TMEM123: variants seen among roughly 807,000 people sequenced by gnomAD.
TMEM123 encodes the protein transmembrane protein 123, also known as porimin.
Under a neutral mutation model 19.7 loss-of-function variants are expected in TMEM123, and 16 were observed. The ratio of observed to expected loss-of-function variants is 0.81; its 90% confidence interval spans 0.55 to 1.23. TMEM123 has a LOEUF of 1.23. TMEM123 is among the 50% of genes most tolerant of loss of function. The pLI, the probability that TMEM123 is intolerant of heterozygous loss-of-function variation, is 0.00. For missense variants in TMEM123, 313 were observed against 257.8 expected (o/e 1.21, Z -1.47); for synonymous variants, 118 against 99.4 (o/e 1.19, Z -1.12).
Position 102,420,259 on chromosome 11 carries a change from A to C in TMEM123, c.158-18053T>G, listed in dbSNP as rs116312549. On this transcript the variant is annotated intron_variant, in intron 2 of 4. Coordinates refer to ENST00000398136, the MANE Select transcript of TMEM123 (RefSeq NM_052932.3). ...GGCCAAAGGGAAAGCATCATTGTTA[A>C]TGTTTTATATTCCTCACTATTCTTA... is the stretch of plus-strand genomic sequence containing the variant. 4.6e-3 allele frequency among the ~76,000 whole-genome samples: 699 copies of C among 152,226 alleles called. 7 individuals are homozygous for C. The highest frequency in any genetic ancestry group is 0.016 in the African/African-American group (666 of 41,526).
In TMEM123 at chr11:102,452,523, C is replaced by G; in HGVS notation, c.100+1G>C. The G allele has an allele frequency of 6.5e-7, 1 of 1,540,198 alleles. No individual in the cohort carries two copies. Among genetic ancestry groups the G allele is most frequent in the African/African-American group, 1.4e-5 (1 of 72,984 alleles). ...GGCTGACGACCCCCGCAGCCACTTA[C>G]CCGCCATGGCTGCGCTTTCATGGGC... is the stretch of plus-strand genomic sequence containing the variant. On this transcript the variant is annotated splice_donor_variant, in intron 1 of 4. Transcript: ENST00000398136. LOFTEE classifies it high-confidence loss of function.
intron 2 of TMEM123, among the ~76,000 whole-genome samples, chr11:102,423,702 C>CA (rs1454133321): frequency 2.6e-5 from 4 of 152,116 alleles, no homozygotes; most frequent in Admixed American, 6.5e-5. Flanking sequence ...TGTATTAACA[C>CA]AAAAAATCAG....
intron 2 of TMEM123, among the ~76,000 whole-genome samples, chr11:102,425,706 C>G (rs1952121094): frequency 6.6e-6 from 1 of 151,720 alleles, no homozygotes; most frequent in South Asian, 2.1e-4. Context: ...ACTTCACCCA[C>G]CCGAGAAGCT....
chr11:102,424,109 G>A (rs1591559937), intron 2 of TMEM123, among the ~76,000 whole-genome samples: 1 of 152,090 alleles, frequency 6.6e-6, no homozygotes, highest in African/African-American at 2.4e-5. Flanking sequence ...GCTATTAGAG[G>A]GAGGCATAAT....
At chr11:102,432,628 T>C (rs1009273147) in intron 2 of TMEM123, among the ~76,000 whole-genome samples, 2 of 152,206 alleles carry the variant, frequency 1.3e-5, no homozygotes, top group Non-Finnish European at 2.9e-5. Flanking sequence ...CTGCAGGAAT[T>C]TGCATAAGTA....
chr11:102,439,690 G>A (rs1410597771), intron 2 of TMEM123, among the ~76,000 whole-genome samples: 1 of 152,208 alleles, frequency 6.6e-6, no homozygotes, highest in Non-Finnish European at 1.5e-5. Context: ...AAAGCTGGAC[G>A]GAGAATGACT....
At chr11:102,436,320 G>A (rs754086162) in intron 2 of TMEM123, among the ~76,000 whole-genome samples, 7 of 151,662 alleles carry the variant, frequency 4.6e-5, no homozygotes, top group Non-Finnish European at 7.4e-5. Context: ...GCATCACCAC[G>A]CCTGGCTAAT....
intron 2 of TMEM123, among the ~76,000 whole-genome samples, chr11:102,424,663 T>C (rs1270789983): frequency 1.3e-5 from 2 of 151,916 alleles, no homozygotes; most frequent in Middle Eastern, 3.2e-3. Context: ...CACTCCAGCC[T>C]GGGTGACAGA....
At position 102,441,445 on chromosome 11, in the gene TMEM123, TG is replaced by T. The variant is rs565724001; in HGVS notation, c.157+7366del. On this transcript the variant is annotated intron_variant, in intron 2 of 4. Coordinates refer to ENST00000398136, the MANE Select transcript of TMEM123 (RefSeq NM_052932.3). The stretch of plus-strand genomic sequence containing the variant: ...GAACAACCTGCTCCTGAATGACTAC[TG>T]GGTACATAACAAAATGAAGGCAGAA... Among the ~76,000 whole-genome samples, 163 of 152,284 alleles carry T rather than the reference TG, an allele frequency of 1.1e-3. 1 individual carries two copies. The highest frequency in any genetic ancestry group is 3.8e-3 in the African/African-American group (157 of 41,556).
intron 1 of TMEM123, chr11:102,449,131 A>C (rs1857913134): frequency 3.0e-6 from 1 of 337,020 alleles, no homozygotes; most frequent in Non-Finnish European, 5.8e-6. Flanking sequence ...CCAGCCACCG[A>C]ATGCAACAGC....
At chr11:102,407,443 C>T (rs1174201792) in intron 2 of TMEM123, among the ~76,000 whole-genome samples, 2 of 152,184 alleles carry the variant, frequency 1.3e-5, no homozygotes, top group Non-Finnish European at 2.9e-5. Context: ...TGTCCATGCT[C>T]AGTGTTAAGG....
intron 2 of TMEM123, among the ~76,000 whole-genome samples, chr11:102,439,479 G>T (rs1475849465): frequency 6.6e-6 from 1 of 152,102 alleles, no homozygotes; most frequent in African/African-American, 2.4e-5. Flanking sequence ...TGCAGCTGAG[G>T]GTCCTGACTG....
chr11:102,404,970 G>T (rs979795249), intron 2 of TMEM123, among the ~76,000 whole-genome samples: 2 of 151,912 alleles, frequency 1.3e-5, no homozygotes, highest in Admixed American at 6.6e-5. Flanking sequence ...TTGCATATCG[G>T]GTTTTACTAC....
At chr11:102,419,015 T>C (rs532675849) in intron 2 of TMEM123, among the ~76,000 whole-genome samples, 4 of 152,076 alleles carry the variant, frequency 2.6e-5, no homozygotes, top group Non-Finnish European at 5.9e-5. Context: ...TGCCTGAGGG[T>C]AGGACCAGGG....
At chr11:102,425,580 TTTC>T (rs1952119837) in intron 2 of TMEM123, among the ~76,000 whole-genome samples, 1 of 149,676 alleles carries the variant, frequency 6.7e-6, no homozygotes, top group African/African-American at 2.5e-5. Context: ...TTTTTTCTTT[TTTC>T]TTTTTTTTTT....
chr11:102,429,753 C>G (rs1258745181), intron 2 of TMEM123, among the ~76,000 whole-genome samples: 4 of 152,244 alleles, frequency 2.6e-5, no homozygotes, highest in Admixed American at 6.5e-5. Flanking sequence ...TGTAGCCAGA[C>G]TCACTGCAAT....
rs1451681353 is a variant in TMEM123 at position 102,427,787 on chromosome 11, G to A, written c.157+21025C>T. Among the ~76,000 whole-genome samples, 6 of 149,192 alleles carry A rather than the reference G, an allele frequency of 4.0e-5. No individual in the cohort carries two copies. In the East Asian group the frequency reaches 6.3e-4, roughly 16 times the overall value. On this transcript the variant is annotated intron_variant, in intron 2 of 4. Coordinates refer to ENST00000398136, the MANE Select transcript of TMEM123 (RefSeq NM_052932.3). ...CGGGAGGCAGAGGTTGCAGTGAGCC[G>A]AGATCGCGCCACTGCACTCCAGCCT...
Position 102,401,979 on chromosome 11 carries a change from A to G in TMEM123, c.385T>C (p.Ser129Pro), listed in dbSNP as rs1346500074. 10 of 1,614,052 alleles carry G rather than the reference A, an allele frequency of 6.2e-6. No homozygotes were observed. Among genetic ancestry groups the G allele is most frequent in the Non-Finnish European group, 8.5e-6 (10 of 1,180,032 alleles). The change falls in exon 3 of 5, where the codon TCA becomes CCA. Residue 129 changes from serine to proline, a missense_variant. Coordinates refer to ENST00000398136, the MANE Select transcript of TMEM123 (RefSeq NM_052932.3). ...TGGGTTACGGTCATTGTGGATGTTG[A>G]TATCTGAGATGTGTTCTGTGAAACA... is the stretch of plus-strand genomic sequence containing the variant. ...TSVSQNTSQISTSTMTVTHNS... is the reference protein window; with the variant it reads ...TSVSQNTSQIPTSTMTVTHNS...
intron 2 of TMEM123, among the ~76,000 whole-genome samples, chr11:102,410,572 CCT>C (rs1321357501): frequency 6.6e-6 from 1 of 151,866 alleles, no homozygotes; most frequent in Non-Finnish European, 1.5e-5. Context: ...TGATATTTTC[CCT>C]CTGTTCCTGC....
Sources: gnomAD v4.1 joint callset for allele counts (sites outside exome capture counted in the v4.1 genomes callset) on GRCh38, gnomAD v4.1.1 for gene constraint, MANE v1.5 for transcripts, NCBI Gene and HGNC (gene_info 2026-07-23, HGNC 2026-07-21) for gene names.